ARMC8: variants seen among roughly 807,000 people sequenced by gnomAD.
ARMC8 encodes armadillo repeat-containing protein 8.
A neutral mutation model predicts 99.3 loss-of-function variants in ARMC8; 20 were observed. The ratio of observed to expected loss-of-function variants is 0.20; its 90% CI spans 0.14 to 0.29. ARMC8 has a LOEUF of 0.29. Among genes scored for constraint, ARMC8 ranks in the 10% least tolerant of loss-of-function variants. ARMC8 has a pLI of 1.00. For synonymous variants in ARMC8, 263 were observed against 278.3 expected (o/e 0.95, Z 0.55); for missense variants, 569 against 809.5 (o/e 0.70, Z 3.60).
In ARMC8 at chr3:138,221,916, C is replaced by T. The variant is rs772304358; in HGVS notation, c.123-10C>T. Reference sequence around the variant, plus strand: ...TCAACATACTTTATTTTTTCTTCCCCTTAATTCAGAGACATGAAAAATGCT... The same window carrying T: ...TCAACATACTTTATTTTTTCTTCCCTTTAATTCAGAGACATGAAAAATGCT... On this transcript the variant is annotated splice_polypyrimidine_tract_variant and intron_variant, in intron 2 of 21. Coordinates refer to ENST00000469044, the MANE Select transcript of ARMC8 (RefSeq NM_001363941.2). 39 of 1,607,388 alleles carry T rather than the reference C, an allele frequency of 2.4e-5. No homozygotes were observed. Among genetic ancestry groups the T allele is most frequent in the Admixed American group, 8.4e-5 (5 of 59,826 alleles).
intron 1 of ARMC8, among the ~76,000 whole-genome samples, chr3:138,196,761 G>A (rs778727561): frequency 1.8e-4 from 27 of 152,076 alleles, no homozygotes; most frequent in Non-Finnish European, 2.5e-4. Flanking sequence ...CAGCTACTTG[G>A]GAGGCTGAGG....
At chr3:138,213,731 T>TGAA (rs576382169) in intron 2 of ARMC8, among the ~76,000 whole-genome samples, 7 of 152,184 alleles carry the variant, frequency 4.6e-5, no homozygotes, top group Middle Eastern at 6.3e-3. Context: ...ATCTCATACT[T>TGAA]GAAGAAGAAG....
In ARMC8 at chr3:138,223,404, T is replaced by A. The variant is rs1346223464; in HGVS notation, c.210T>A (p.Leu70=). Residue 70 remains leucine (L), a synonymous_variant, in exon 4 of 22, where the codon CTT becomes CTA. Transcript: ENST00000469044. The part of the protein sequence containing the change: ...LGAVPRLLYL[L]QQETSSTELK... ...TTCTTTTTAGATTGTTGTACTTGCT[T>A]CAGCAAGAAACCTCAAGCACAGAGC... 1.2e-6 allele frequency: 2 copies of A among 1,614,078 alleles called. No individual in the cohort carries two copies. Among genetic ancestry groups the A allele is most frequent in the Admixed American group, 3.3e-5 (2 of 60,010 alleles).
intron 5 of ARMC8, among the ~76,000 whole-genome samples, chr3:138,224,316 A>C (rs572481129): frequency 6.6e-6 from 1 of 152,198 alleles, no homozygotes; most frequent in African/African-American, 2.4e-5. Flanking sequence ...GCAATGGCTC[A>C]TGCCTATAGT....
chr3:138,199,009 G>A (rs1442143368), intron 1 of ARMC8, among the ~76,000 whole-genome samples: 1 of 152,080 alleles, frequency 6.6e-6, no homozygotes, highest in Non-Finnish European at 1.5e-5. Flanking sequence ...AATTAAAGTA[G>A]ATTCCATGCT....
intron 1 of ARMC8, among the ~76,000 whole-genome samples, chr3:138,206,449 A>G (rs369729059): frequency 6.6e-6 from 1 of 152,228 alleles, no homozygotes; most frequent in East Asian, 1.9e-4. Context: ...TCCAGCTATA[A>G]TGGCCTCCTA....
chr3:138,295,061 G>A (rs1025783297), intron 21 of ARMC8, among the ~76,000 whole-genome samples: 4 of 151,964 alleles, frequency 2.6e-5, no homozygotes, highest in African/African-American at 9.7e-5. Context: ...GCCACACTCG[G>A]CTAATTTTTG....
intron 16 of ARMC8, among the ~76,000 whole-genome samples, chr3:138,271,798 C>CTTCTTTTTTTTTTTTTTTT (rs2048816573): frequency 7.3e-6 from 1 of 136,134 alleles, no homozygotes; most frequent in African/African-American, 2.8e-5. Context: ...TTTTTTCTTT[C>CTTCTTTTTTTTTTTTTTTT]TTTTTTTTTT....
chr3:138,216,076 A>T, intron 2 of ARMC8, among the ~76,000 whole-genome samples: 1 of 131,420 alleles, frequency 7.6e-6, no homozygotes. Context: ...TTAAGTAGAG[A>T]TGGGGTTTCA....
intron 12 of ARMC8, among the ~76,000 whole-genome samples, chr3:138,253,957 T>G (rs1323437556): frequency 6.6e-6 from 1 of 152,226 alleles, no homozygotes; most frequent in Non-Finnish European, 1.5e-5. Context: ...AAAGTCCCTC[T>G]CTTATAAAGA....
intron 1 of ARMC8, among the ~76,000 whole-genome samples, chr3:138,200,736 C>T (rs2044008466): frequency 1.3e-5 from 2 of 152,090 alleles, no homozygotes; most frequent in African/African-American, 2.4e-5. Context: ...CTTCCATCTC[C>T]CCTCCAGTGT....
chr3:138,257,316 A>G (rs1159922956), intron 12 of ARMC8, among the ~76,000 whole-genome samples: 1 of 152,202 alleles, frequency 6.6e-6, no homozygotes, highest in African/African-American at 2.4e-5. Context: ...TAAAGGAGAA[A>G]TGGTATGAGG....
At chr3:138,218,192 A>T (rs2045185270) in intron 2 of ARMC8, among the ~76,000 whole-genome samples, 1 of 152,156 alleles carries the variant, frequency 6.6e-6, no homozygotes, top group Non-Finnish European at 1.5e-5. Context: ...AATGAATGCT[A>T]TGTTAAAGAT....
At chr3:138,267,486 G>C (rs971586920) in intron 15 of ARMC8, among the ~76,000 whole-genome samples, 1 of 152,144 alleles carries the variant, frequency 6.6e-6, no homozygotes, top group Non-Finnish European at 1.5e-5. Flanking sequence ...ACATCTTCAA[G>C]TCTATCTAAA....
intron 12 of ARMC8, among the ~76,000 whole-genome samples, chr3:138,256,034 G>A (rs2047383764): frequency 6.6e-6 from 1 of 152,224 alleles, no homozygotes; most frequent in Admixed American, 6.5e-5. Flanking sequence ...AAAATTCTTT[G>A]CTAGAGGAAA....
intron 11 of ARMC8, among the ~76,000 whole-genome samples, chr3:138,242,815 T>A (rs2108180434): frequency 6.6e-6 from 1 of 152,340 alleles, no homozygotes; most frequent in African/African-American, 2.4e-5. Context: ...TTCATTTGGC[T>A]TTTAACTTTG....
chr3:138,272,329 C>T (rs897159363), intron 16 of ARMC8, among the ~76,000 whole-genome samples: 6 of 152,098 alleles, frequency 3.9e-5, no homozygotes, highest in Admixed American at 6.6e-5. Context: ...ATAGTCATTT[C>T]GTGTACAGCA....
In ARMC8 at chr3:138,284,417, T is replaced by C; in HGVS notation, c.1726-14T>C. On this transcript the variant is annotated splice_polypyrimidine_tract_variant and intron_variant, in intron 18 of 21. Coordinates refer to ENST00000469044, the MANE Select transcript of ARMC8 (RefSeq NM_001363941.2). ...CAGAGCTTTCCTGACTGTTGGCCCT[T>C]TGTTCTTTTCCAGACACTGTGCATC... 1 of 1,604,538 alleles carries C rather than the reference T, an allele frequency of 6.2e-7. No homozygotes were observed. The highest frequency in any genetic ancestry group is 8.5e-7 in the Non-Finnish European group (1 of 1,171,538).
At position 138,194,560 on chromosome 3, in the gene ARMC8, G is replaced by C. The variant is rs541870507; in HGVS notation, c.45+6961G>C. ...TCACTGTGTTAGCCAGGATGGTCTC[G>C]ATCTCCTGACCTCGTGATCTGCCCA... is the stretch of plus-strand genomic sequence containing the variant. On this transcript the variant is annotated intron_variant, in intron 1 of 21. Transcript: ENST00000469044. Among the ~76,000 whole-genome samples the C allele has an allele frequency of 4.0e-5, 6 of 150,926 alleles. No individual in the cohort carries two copies. In the South Asian group the frequency reaches 8.4e-4, roughly 21 times the overall value.
Sources: allele counts gnomAD v4.1 joint callset (sites outside exome capture counted in the v4.1 genomes callset), GRCh38; gene constraint gnomAD v4.1.1; transcripts MANE v1.5; gene names NCBI Gene and HGNC (gene_info 2026-07-23, HGNC 2026-07-21).